The following MAP2K6 variants were observed in gnomAD, a reference collection of about 807,000 sequenced individuals.
MAP2K6 encodes the protein dual specificity mitogen-activated protein kinase kinase 6.
Under a neutral mutation model 53.7 loss-of-function variants are expected in MAP2K6, and 16 were observed. The observed-to-expected ratio is 0.30, with a 90% CI of 0.20 to 0.45. The LOEUF is 0.45. Among genes scored for constraint, MAP2K6 ranks in the 20% least tolerant of loss-of-function variants. MAP2K6 has a pLI of 1.00. For missense variants in MAP2K6, 204 were observed against 411.9 expected (o/e 0.50, Z 4.37); for synonymous variants, 132 against 143.1 (o/e 0.92, Z 0.55).
intron 1 of MAP2K6, among the ~76,000 whole-genome samples, chr17:69,503,759 T>C (rs928546735): frequency 7.9e-5 from 12 of 152,208 alleles, no homozygotes; most frequent in Non-Finnish European, 5.9e-5. Context: ...CCTAAATGAA[T>C]CTAATTAACA....
At chr17:69,532,739 A>G (rs1911145948) in intron 10 of MAP2K6, among the ~76,000 whole-genome samples, 1 of 152,156 alleles carries the variant, frequency 6.6e-6, no homozygotes, top group Admixed American at 6.6e-5. Context: ...TTGCGGTGTA[A>G]GTATTTTCCA....
rs150828532 is a variant in MAP2K6 at position 69,456,666 on chromosome 17, C to G, written c.16+41666C>G. On this transcript the variant is annotated intron_variant, in intron 1 of 11. Coordinates refer to ENST00000590474, the MANE Select transcript of MAP2K6 (RefSeq NM_002758.4). ...CCCTAAGTGATTTTTCCCCACTGGTCTGTCACCACTAAACCCTGTTATTTC... is the reference window on the plus strand; with the variant it reads ...CCCTAAGTGATTTTTCCCCACTGGTGTGTCACCACTAAACCCTGTTATTTC... Among the ~76,000 whole-genome samples the G allele has an allele frequency of 3.1e-3, 468 of 152,290 alleles. 4 individuals carry two copies. Among genetic ancestry groups the G allele is most frequent in the Non-Finnish European group, 4.5e-3 (309 of 68,032 alleles).
intron 1 of MAP2K6, among the ~76,000 whole-genome samples, chr17:69,437,299 C>T (rs1242179503): frequency 6.6e-6 from 1 of 151,994 alleles, no homozygotes; most frequent in Non-Finnish European, 1.5e-5. Context: ...TTAAGAAAAT[C>T]ATCAGGAAGA....
chr17:69,495,959 C>A (rs1908930544), intron 1 of MAP2K6, among the ~76,000 whole-genome samples: 1 of 152,076 alleles, frequency 6.6e-6, no homozygotes, highest in African/African-American at 2.4e-5. Context: ...CTGCCTGCCT[C>A]CTGCCTTTTC....
Position 69,414,936 on chromosome 17 carries a change from C to A in MAP2K6, c.-49C>A. On this transcript the variant is annotated 5_prime_UTR_variant, in exon 1 of 12. Transcript: ENST00000590474. ...TGCAAAACTAGCTACAGAAGAGAAG[C>A]AAGGCAAAGTCTTTTGTGCTCCCCT... The A allele has an allele frequency of 6.6e-7, 1 of 1,518,316 alleles. No homozygotes were observed. The highest frequency in any genetic ancestry group is 9.1e-7 in the Non-Finnish European group (1 of 1,094,942). The allele number at this position is 1,518,316 out of a possible 1,614,324, so 94.1% of individuals were successfully genotyped here.
At chr17:69,523,229 A>G (rs1910577279) in intron 7 of MAP2K6, among the ~76,000 whole-genome samples, 1 of 152,246 alleles carries the variant, frequency 6.6e-6, no homozygotes, top group African/African-American at 2.4e-5. Flanking sequence ...GGCTCTTACT[A>G]CAAGTATGAG....
rs1376595430 is a variant in MAP2K6, at chr17:69,543,896, G to C, written c.*2143G>C. The stretch of plus-strand genomic sequence containing the variant: ...AGAGTAGAGAAAAAGTTAGTCTATG[G>C]TTCTCAACCCTCGTGTACATTGGAA... On this transcript the variant is annotated 3_prime_UTR_variant, in exon 12 of 12. Transcript: ENST00000590474. 1 of 152,166 alleles carries C rather than the reference G, an allele frequency of 6.6e-6. No individual in the cohort carries two copies. The highest frequency in any genetic ancestry group is 1.9e-4 in the East Asian group (1 of 5,198). The allele number at this position is 152,166 out of a possible 1,614,324, so 9.4% of individuals were successfully genotyped here. A position where few individuals can be genotyped will look rare whatever the true frequency, so the allele number is the denominator to read the frequency against.
At position 69,552,275 on chromosome 17, in the gene MAP2K6, T is replaced by C. The variant is rs370216373; in HGVS notation, c.*10522T>C. 8.5e-5 allele frequency: 13 copies of C among 152,214 alleles called. No homozygotes were observed. The highest frequency in any genetic ancestry group is 8.5e-4 in the Admixed American group (13 of 15,276). The allele number at this position is 152,214 out of a possible 1,614,324, so 9.4% of individuals were successfully genotyped here. ...TACCTCTTCTTGGTACCTGAAATAT[T>C]CTGAAAGGATATCGGAGAGGTCCTA... On this transcript the variant is annotated 3_prime_UTR_variant, in exon 12 of 12. Coordinates refer to ENST00000590474, the MANE Select transcript of MAP2K6 (RefSeq NM_002758.4).
chr17:69,528,738 A>G (rs1255047859), intron 10 of MAP2K6, among the ~76,000 whole-genome samples: 1 of 151,842 alleles, frequency 6.6e-6, no homozygotes, highest in Non-Finnish European at 1.5e-5. Context: ...ACACACCTGT[A>G]GTCCCAGCTA....
chr17:69,539,448 G>A (rs1192740651), intron 11 of MAP2K6, among the ~76,000 whole-genome samples: 4 of 152,128 alleles, frequency 2.6e-5, no homozygotes, highest in African/African-American at 9.7e-5. Context: ...TTATAGGAGG[G>A]ACTGGGTTCC....
At chr17:69,520,980 T>G in intron 6 of MAP2K6, 69 bp from the exon 7 acceptor site, 1 of 1,270,190 alleles carries the variant, frequency 7.9e-7, no homozygotes. Context: ...TAATAAACCT[T>G]GATATACTTA....
In MAP2K6 at chr17:69,533,739, T is replaced by TG. The variant is rs1911209533; in HGVS notation, c.882-2376_882-2375insG. ...TTCAGGGCTTCTAGCCTGTTTGTTT[T>TG]TTTTTTTTTTTTTTACCAGGGTCTG... On this transcript the variant is annotated intron_variant, in intron 10 of 11. Transcript: ENST00000590474. Among the ~76,000 whole-genome samples the TG allele has an allele frequency of 2.0e-5, 3 of 151,102 alleles. No homozygotes were observed. In the South Asian group the frequency reaches 6.3e-4, roughly 32 times the overall value.
intron 7 of MAP2K6, among the ~76,000 whole-genome samples, chr17:69,522,909 A>C (rs1014011421): frequency 6.6e-6 from 1 of 151,356 alleles, no homozygotes; most frequent in Non-Finnish European, 1.5e-5. Context: ...AAAAAAAAAA[A>C]AGTTAGCTGG....
At chr17:69,452,858 C>T (rs898097846) in intron 1 of MAP2K6, among the ~76,000 whole-genome samples, 1 of 152,170 alleles carries the variant, frequency 6.6e-6, no homozygotes, top group Non-Finnish European at 1.5e-5. Context: ...TTAGGTCGTA[C>T]CAAAGCATAA....
intron 1 of MAP2K6, chr17:69,502,078 A>G: frequency 4.1e-6 from 3 of 738,938 alleles, no homozygotes; most frequent in Non-Finnish European, 5.0e-6. Context: ...GAAAAGCTGC[A>G]GAACATGGTA....
chr17:69,484,749 GAAGA>G (rs1598284249), intron 1 of MAP2K6, among the ~76,000 whole-genome samples: 1 of 152,078 alleles, frequency 6.6e-6, no homozygotes, highest in Admixed American at 6.6e-5. Flanking sequence ...CAATAGGAAG[GAAGA>G]ATTACTGATA....
chr17:69,524,381 G>A (rs1446841450), intron 8 of MAP2K6, among the ~76,000 whole-genome samples: 1 of 151,364 alleles, frequency 6.6e-6, no homozygotes, highest in African/African-American at 2.4e-5. Context: ...CCTCACAGCT[G>A]TGAAGATTCA....
chr17:69,489,042 G>A (rs929092580), intron 1 of MAP2K6, among the ~76,000 whole-genome samples: 3 of 151,990 alleles, frequency 2.0e-5, no homozygotes, highest in Non-Finnish European at 4.4e-5. Flanking sequence ...CCAATATGGT[G>A]AAACCCCGTC....
intron 1 of MAP2K6, among the ~76,000 whole-genome samples, chr17:69,454,861 A>AT (rs1397327027): frequency 1.3e-5 from 2 of 152,362 alleles, no homozygotes; most frequent in East Asian, 3.9e-4. Flanking sequence ...TGCAGGTAGG[A>AT]ACATTTTAAA....
Sources: gnomAD v4.1 joint callset for allele counts (sites outside exome capture counted in the v4.1 genomes callset) on GRCh38, gnomAD v4.1.1 for gene constraint, MANE v1.5 for transcripts, NCBI Gene and HGNC (gene_info 2026-07-23, HGNC 2026-07-21) for gene names.